The following KHDRBS3 variants were observed in gnomAD, a reference collection of about 807,000 sequenced individuals.
The protein encoded by KHDRBS3 is KH domain-containing, RNA-binding, signal transduction-associated protein 3.
A neutral mutation model predicts 45.6 loss-of-function variants in KHDRBS3; 23 were observed. The observed-to-expected ratio is 0.50, with a 90% CI of 0.36 to 0.72. The LOEUF (loss-of-function observed/expected upper bound fraction) is 0.72. Among genes scored for constraint, KHDRBS3 ranks in the 30% least tolerant of loss-of-function variants. KHDRBS3 has a pLI of 0.00. For missense variants in KHDRBS3, 352 were observed against 424.8 expected (o/e 0.83, Z 1.51); for synonymous variants, 162 against 156.5 (o/e 1.04, Z -0.26).
At chr8:135,605,522 A>T (rs1034277050) in intron 6 of KHDRBS3, among the ~76,000 whole-genome samples, 17 of 152,146 alleles carry the variant, frequency 1.1e-4, no homozygotes, top group Admixed American at 8.5e-4. Context: ...TCTTTGTTTG[A>T]TGAGACACTG....
At chr8:135,650,694 G>T (rs1327728508), downstream of KHDRBS3, among the ~76,000 whole-genome samples, 2 of 152,080 alleles carry the variant, frequency 1.3e-5, no homozygotes, top group Non-Finnish European at 2.9e-5. Flanking sequence ...TCCTCCCTTA[G>T]ATTAAAGGCT....
At chr8:135,591,205 A>G (rs1828727937) in intron 6 of KHDRBS3, among the ~76,000 whole-genome samples, 1 of 152,230 alleles carries the variant, frequency 6.6e-6, no homozygotes, top group Non-Finnish European at 1.5e-5. Flanking sequence ...TCTAGAGCCC[A>G]TGCTCCAGCA....
intron 7 of KHDRBS3, among the ~76,000 whole-genome samples, chr8:135,627,115 C>T (rs1830407787): frequency 6.6e-6 from 1 of 152,148 alleles, no homozygotes; most frequent in Non-Finnish European, 1.5e-5. Flanking sequence ...CTGAATTAAT[C>T]ATAAATTCAA....
At chr8:135,567,291 G>A (rs1827473238) in intron 5 of KHDRBS3, among the ~76,000 whole-genome samples, 1 of 151,872 alleles carries the variant, frequency 6.6e-6, no homozygotes, top group Non-Finnish European at 1.5e-5. Flanking sequence ...CTCAGATGTG[G>A]AAAACACGTC....
intron 3 of KHDRBS3, among the ~76,000 whole-genome samples, chr8:135,544,461 G>A (rs1826190854): frequency 6.6e-6 from 1 of 152,112 alleles, no homozygotes; most frequent in Non-Finnish European, 1.5e-5. Flanking sequence ...AGATGATATT[G>A]TCATATCAAG....
chr8:135,608,194 G>A (rs748490264), intron 7 of KHDRBS3, among the ~76,000 whole-genome samples: 13 of 152,130 alleles, frequency 8.5e-5, no homozygotes, highest in Admixed American at 1.3e-4. Context: ...ACAAAATTAA[G>A]TAATTTGCCA....
At chr8:135,549,081 A>G (rs1454541054) in intron 4 of KHDRBS3, 181 bp downstream of exon 4, 1 of 393,430 alleles carries the variant, frequency 2.5e-6, no homozygotes, top group African/African-American at 2.1e-5. Context: ...CCTTATGTAT[A>G]TATGAGGTGT....
intron 4 of KHDRBS3, chr8:135,549,882 A>G (rs536571068): frequency 6.6e-6 from 1 of 152,356 alleles, no homozygotes; most frequent in East Asian, 1.9e-4. Flanking sequence ...ATAGAATTGC[A>G]TTAAGTATGT....
intron 7 of KHDRBS3, among the ~76,000 whole-genome samples, chr8:135,619,742 A>G (rs940245700): frequency 2.0e-5 from 3 of 152,244 alleles, no homozygotes; most frequent in African/African-American, 7.2e-5. Context: ...GGAATTTTGG[A>G]AAAACAATAC....
In KHDRBS3 at chr8:135,472,590, T is replaced by A. The variant is rs1203160723; in HGVS notation, c.88+14636T>A. Among the ~76,000 whole-genome samples, 13 of 152,194 alleles carry A rather than the reference T, an allele frequency of 8.5e-5. 2 individuals are homozygous for A. The highest frequency in any genetic ancestry group is 8.5e-4 in the Admixed American group (13 of 15,278). On this transcript the variant is annotated intron_variant, in intron 1 of 8. Transcript: ENST00000355849. ...TGTGTGGAGAAATGGGACAAGAGGA[T>A]TAGACAGGGACTAGGATGAAGGGCC...
At chr8:135,574,568 G>A (rs924931877) in intron 5 of KHDRBS3, among the ~76,000 whole-genome samples, 4 of 152,074 alleles carry the variant, frequency 2.6e-5, no homozygotes. Flanking sequence ...TATTCAAGAA[G>A]CATATTGAAT....
chr8:135,458,243 G>C, intron 1 of KHDRBS3: 1 of 1,171,076 alleles, frequency 8.5e-7, no homozygotes, highest in South Asian at 2.2e-5. Context: ...TTCTGGGTGG[G>C]GGACAGCGAC....
chr8:135,507,868 T>G (rs560875777), intron 1 of KHDRBS3, among the ~76,000 whole-genome samples: 3 of 152,352 alleles, frequency 2.0e-5, no homozygotes, highest in Non-Finnish European at 4.4e-5. Flanking sequence ...AGTGTCTTAA[T>G]TTTCTATCAT....
chr8:135,640,938 G>A (rs1440648016), intron 7 of KHDRBS3, among the ~76,000 whole-genome samples: 2 of 152,186 alleles, frequency 1.3e-5, no homozygotes, highest in East Asian at 3.9e-4. Context: ...GAAACGAAAT[G>A]CTGTGAAAGC....
intron 1 of KHDRBS3, among the ~76,000 whole-genome samples, chr8:135,497,722 T>A (rs1049887035): frequency 2.6e-5 from 4 of 152,198 alleles, no homozygotes; most frequent in African/African-American, 9.7e-5. Flanking sequence ...GAGTTGCTCT[T>A]TATGCACTGA....
At chr8:135,587,824 A>G (rs950065762) in intron 6 of KHDRBS3, among the ~76,000 whole-genome samples, 2 of 152,168 alleles carry the variant, frequency 1.3e-5, no homozygotes, top group African/African-American at 4.8e-5. Context: ...AAAACACACA[A>G]TCTGAATAAA....
intron 5 of KHDRBS3, among the ~76,000 whole-genome samples, chr8:135,564,466 G>A (rs1432947504): frequency 6.6e-6 from 1 of 152,134 alleles, no homozygotes; most frequent in African/African-American, 2.4e-5. Flanking sequence ...AAATAAATAT[G>A]TAAGTTGTTT....
At chr8:135,516,478 A>G (rs903174001) in intron 1 of KHDRBS3, among the ~76,000 whole-genome samples, 1 of 152,180 alleles carries the variant, frequency 6.6e-6, no homozygotes, top group Non-Finnish European at 1.5e-5. Context: ...ACTGTCATAT[A>G]TGTTGACTGT....
chr8:135,590,287 T>C (rs1828687157), intron 6 of KHDRBS3, among the ~76,000 whole-genome samples: 1 of 152,244 alleles, frequency 6.6e-6, no homozygotes, highest in Non-Finnish European at 1.5e-5. Context: ...TCCACTGTCC[T>C]ATATGTGGTC....
Sources: gnomAD v4.1 joint callset for allele counts (sites outside exome capture counted in the v4.1 genomes callset) on GRCh38, gnomAD v4.1.1 for gene constraint, MANE v1.5 for transcripts, NCBI Gene and HGNC (gene_info 2026-07-23, HGNC 2026-07-21) for gene names.